The following PROCR variants were observed in gnomAD, a reference collection of about 807,000 sequenced individuals.
PROCR encodes the protein protein C receptor.
PROCR carries 22 observed loss-of-function variants against 24.2 expected under a neutral mutation model. The ratio of observed to expected loss-of-function variants is 0.91; its 90% confidence interval spans 0.65 to 1.30. PROCR has a LOEUF of 1.30. PROCR is among the 50% of genes most tolerant of loss of function. The pLI is 0.00. For synonymous variants in PROCR, 137 were observed against 139.2 expected, an observed-to-expected ratio of 0.98 and a Z score of 0.11; for missense variants, 288 against 307.7, an observed-to-expected ratio of 0.94 and a Z score of 0.48.
At position 35,176,309 on chromosome 20, in the gene PROCR, A is replaced by G; in HGVS notation, c.464A>G (p.Gln155Arg). 6.2e-7 allele frequency: 1 copy of G among 1,614,208 alleles called. No homozygotes were observed. ...PERALWQADT[Q>R]VTSGVVTFTL... is the part of the protein sequence containing the mutation. The stretch of plus-strand genomic sequence containing the variant: ...AGAGCCTTGTGGCAGGCAGACACCC[A>G]GGTCACCTCCGGAGTGGTCACCTTC... The change falls in exon 3 of 4, where the codon CAG (glutamine) becomes CGG (arginine). Residue 155 changes from glutamine to arginine, a missense_variant. By Grantham distance (43) the Gln-to-Arg change is conservative. Transcript: ENST00000216968.
chr20:35,197,258 C>T (rs1249866609), intron 1 of PROCR, among the ~76,000 whole-genome samples: 1 of 152,134 alleles, frequency 6.6e-6, no homozygotes, highest in Non-Finnish European at 1.5e-5. Flanking sequence ...GAACTTAGCC[C>T]AAACTTTTTC....
chr20:35,191,432 A>C (rs373627224), intron 1 of PROCR, among the ~76,000 whole-genome samples: 7 of 152,230 alleles, frequency 4.6e-5, no homozygotes, highest in South Asian at 2.1e-4. Flanking sequence ...TAGAAGCTAC[A>C]GTTTACTGGG....
chr20:35,196,180 CAAAAAAAA>C (rs68132775), intron 1 of PROCR, among the ~76,000 whole-genome samples: 3 of 63,442 alleles, frequency 4.7e-5, no homozygotes, highest in African/African-American at 6.5e-5. Flanking sequence ...AGACTGCCTC[CAAAAAAAA>C]AAAAAAAAAA....
At chr20:35,205,909 C>T (rs926841074) in intron 1 of PROCR, among the ~76,000 whole-genome samples, 2 of 143,648 alleles carry the variant, frequency 1.4e-5, no homozygotes, top group Non-Finnish European at 3.0e-5. Context: ...TCCGGTGATC[C>T]CCCCCCCAAC....
chr20:35,190,799 A>T (rs890355278), intron 1 of PROCR, among the ~76,000 whole-genome samples: 4 of 152,078 alleles, frequency 2.6e-5, no homozygotes, highest in Non-Finnish European at 5.9e-5. Context: ...CCAACTTCTG[A>T]CCTCTAAAAC....
Position 35,204,984 on chromosome 20 carries a change from C to T in PROCR, c.95-10909C>T, listed in dbSNP as rs562390209. 2.3e-4 allele frequency among the ~76,000 whole-genome samples: 35 copies of T among 152,010 alleles called. No homozygotes were observed. The South Asian group carries it at 3.7e-3, about 16-fold the overall frequency. On this transcript the variant is annotated intron_variant, in intron 1 of 1. Transcript: ENST00000634509. ...GGTAATTTAATGCTGGTGTAACATTCAAAAATAGCCAGGCATGGTGGCTCA... is the reference window on the plus strand; with the variant it reads ...GGTAATTTAATGCTGGTGTAACATTTAAAAATAGCCAGGCATGGTGGCTCA...
intron 1 of PROCR, among the ~76,000 whole-genome samples, chr20:35,185,913 C>A (rs542198599): frequency 2.0e-5 from 3 of 152,250 alleles, no homozygotes; most frequent in Non-Finnish European, 4.4e-5. Context: ...GGAAAAAAGA[C>A]AGACAATAAC....
rs74173939 is a variant in PROCR at position 35,205,272 on chromosome 20, CAAT to C, written c.95-10603_95-10601del. Among the ~76,000 whole-genome samples, 14 of 147,226 alleles carry C rather than the reference CAAT, an allele frequency of 9.5e-5. No individual in the cohort carries two copies. The South Asian group carries it at 2.2e-3, about 23-fold the overall frequency. On this transcript the variant is annotated intron_variant, in intron 1 of 1. Coordinates refer to the PROCR transcript ENST00000634509. ...TGGGGGACAGAGCAAGACTCCATCT[CAAT>C]AATAATAATAATAATAAATAAATGA...
Position 35,174,747 on chromosome 20 carries a change from C to T in PROCR, c.116C>T (p.Pro39Leu). The T allele has an allele frequency of 1.2e-6, 2 of 1,614,140 alleles. No homozygotes were observed. Among genetic ancestry groups the T allele is most frequent in the Non-Finnish European group, 1.7e-6 (2 of 1,180,014 alleles). The stretch of plus-strand genomic sequence containing the variant: ...CTCCAGATCTCCTACTTCCGCGACC[C>T]CTATCACGTGTGGTACCAGGGCAAC... ...HMLQISYFRD[P>L]YHVWYQGNAS... is the part of the protein sequence containing the mutation. The change falls in exon 2 of 4, where the codon CCC becomes CTC. Residue 39 changes from proline to leucine, a missense_variant. Physicochemically the swap from Pro to Leu is moderately conservative, Grantham distance 98. Transcript: ENST00000216968.
chr20:35,199,809 A>G (rs936011551), intron 1 of PROCR, among the ~76,000 whole-genome samples: 4 of 151,994 alleles, frequency 2.6e-5, no homozygotes, highest in Non-Finnish European at 2.9e-5. Context: ...TCTCTGGATG[A>G]TCTGGGCAAA....
At chr20:35,212,508 C>A (rs929471320) in intron 1 of PROCR, among the ~76,000 whole-genome samples, 3 of 152,200 alleles carry the variant, frequency 2.0e-5, no homozygotes, top group Non-Finnish European at 4.4e-5. Context: ...GCAGGGAGAC[C>A]TGCTGGGAAG....
At chr20:35,206,474 CAA>C (rs34186603) in intron 1 of PROCR, among the ~76,000 whole-genome samples, 24,568 of 66,988 alleles carry the variant, frequency 0.37, 1,788 homozygotes, top group African/African-American at 0.51. Context: ...GACTCTATCT[CAA>C]AAAAAAAAAA....
chr20:35,199,649 TGAGCAG>T (rs2060311607), intron 1 of PROCR, among the ~76,000 whole-genome samples: 1 of 151,322 alleles, frequency 6.6e-6, no homozygotes. Context: ...CTTGGGAGGC[TGAGCAG>T]GAGAATCGCT....
intron 2 of PROCR, 41 bp downstream of exon 2, chr20:35,174,994 A>AGTGGGGGCGGGGCCTGGCGG (rs1259197033): frequency 0.013 from 866 of 65,542 alleles, 28 homozygotes; most frequent in African/African-American, 0.13. Flanking sequence ...GGGCGGGGCT[A>AGTGGGGGCGGGGCCTGGCGG]GTGGGGGCGG....
rs139463842 is a variant in PROCR, at chr20:35,211,257, A to T, written c.95-4636A>T. Among the ~76,000 whole-genome samples the T allele has an allele frequency of 1.6e-4, 25 of 152,314 alleles. No individual in the cohort carries two copies. The East Asian group carries it at 4.8e-3, about 29-fold the overall frequency. ...AATCTGAAACTACTGGGTTCCTGGAACCTGGCACTGATTGATGGGGCCAGT... is the reference window on the plus strand; with the variant it reads ...AATCTGAAACTACTGGGTTCCTGGATCCTGGCACTGATTGATGGGGCCAGT... On this transcript the variant is annotated intron_variant, in intron 1 of 1. Coordinates refer to the PROCR transcript ENST00000634509.
intron 1 of PROCR, among the ~76,000 whole-genome samples, chr20:35,182,785 G>A (rs2086088724): frequency 6.6e-6 from 1 of 152,048 alleles, no homozygotes; most frequent in Non-Finnish European, 1.5e-5. Context: ...AGACCAGCCT[G>A]GCCAACATGG....
In PROCR at chr20:35,177,238, C is replaced by T. The variant is rs1003358425; in HGVS notation, c.*425C>T. On this transcript the variant is annotated 3_prime_UTR_variant, in exon 4 of 4. Coordinates refer to ENST00000216968, the MANE Select transcript of PROCR (RefSeq NM_006404.5). ...CAGGTGTGTCAGACTTGGGATGGGA[C>T]GCTGATATAATAGGGTAGAAAGAAG... 7.6e-6 allele frequency: 8 copies of T among 1,053,946 alleles called. No individual in the cohort carries two copies. Among genetic ancestry groups the T allele is most frequent in the Admixed American group, 4.9e-5 (1 of 20,374 alleles). The allele number at this position is 1,053,946 out of a possible 1,614,324, so 65.3% of individuals were successfully genotyped here.
intron 1 of PROCR, among the ~76,000 whole-genome samples, chr20:35,193,207 C>T (rs1353045273): frequency 1.3e-5 from 2 of 149,386 alleles, no homozygotes; most frequent in Non-Finnish European, 3.0e-5. Flanking sequence ...GATGGAGTCT[C>T]GCTCTGTCAC....
intron 1 of PROCR, among the ~76,000 whole-genome samples, chr20:35,184,043 G>GA (rs1350658524): frequency 3.3e-5 from 5 of 152,026 alleles, no homozygotes; most frequent in African/African-American, 4.8e-5. Context: ...CACAGAGTTA[G>GA]AAAAAACAAT....
Sources: allele counts gnomAD v4.1 joint callset (sites outside exome capture counted in the v4.1 genomes callset), GRCh38; gene constraint gnomAD v4.1.1; transcripts MANE v1.5; gene names NCBI Gene and HGNC (gene_info 2026-07-23, HGNC 2026-07-21).